OTUD4: variants seen among roughly 807,000 people sequenced by gnomAD.
OTUD4 encodes the protein OTU domain-containing protein 4.
In OTUD4, 24 loss-of-function variants were observed where a neutral mutation model predicts 130.4. The observed-to-expected ratio is 0.18, with a 90% CI of 0.13 to 0.26. The LOEUF (loss-of-function observed/expected upper bound fraction) is 0.26, where lower values mean the gene tolerates loss of function less well. OTUD4 is among the 10% of genes least tolerant of loss of function. The pLI is 1.00. For missense variants in OTUD4, 1,031 were observed against 1,329.4 expected, an observed-to-expected ratio of 0.78 and a Z score of 3.49; for synonymous variants, 420 against 472.5, an observed-to-expected ratio of 0.89 and a Z score of 1.44.
chr4:145,169,445 T>C (rs1752043645), intron 3 of OTUD4, among the ~76,000 whole-genome samples: 2 of 152,344 alleles, frequency 1.3e-5, no homozygotes, highest in Admixed American at 6.5e-5. Flanking sequence ...ATGGTTTCTG[T>C]TTCCATTTTA....
intron 6 of OTUD4, 93 bp downstream of exon 6, chr4:145,162,547 G>A (rs1346144914): frequency 6.4e-6 from 4 of 629,028 alleles, no homozygotes; most frequent in South Asian, 2.3e-5. Context: ...GCGAGACTCC[G>A]TCTCAAAAAA....
At position 145,155,753 on chromosome 4, in the gene OTUD4, G is replaced by A. The variant is rs575509023; in HGVS notation, c.691-67C>T. On this transcript the variant is annotated intron_variant, in intron 8 of 20. Coordinates refer to ENST00000447906, the MANE Select transcript of OTUD4 (RefSeq NM_001366057.1). Reference sequence around the variant, plus strand: ...TAAAACATTTTTGTTTGAGATACACGTAAAACTAAAGTCAAATGAAGAAAA... The same window carrying A: ...TAAAACATTTTTGTTTGAGATACACATAAAACTAAAGTCAAATGAAGAAAA... 1.2e-4 allele frequency: 139 copies of A among 1,141,938 alleles called. 1 individual carries two copies. Among genetic ancestry groups the A allele is most frequent in the Admixed American group, 3.5e-4 (15 of 42,518 alleles). 70.7% of individuals were successfully genotyped at this position (1,141,938 alleles called of 1,614,324 possible). A position where few individuals can be genotyped will look rare whatever the true frequency, so the allele number is the denominator to read the frequency against.
Position 145,136,610 on chromosome 4 carries a change from A to G in OTUD4, c.*820T>C, listed in dbSNP as rs531174940. The G allele has an allele frequency of 2.6e-5, 4 of 152,648 alleles. No individual in the cohort carries two copies. The South Asian group carries it at 8.3e-4, about 32-fold the overall frequency. 9.5% of individuals were successfully genotyped at this position (152,648 alleles called of 1,614,324 possible). A position where few individuals can be genotyped will look rare whatever the true frequency, so the allele number is the denominator to read the frequency against. ...ACTTCTGCAGTTCTAACTGATGCAG[A>G]TTATTTTCAAAATGCATAGCATCTA... is the stretch of plus-strand genomic sequence containing the variant. On this transcript the variant is annotated 3_prime_UTR_variant, in exon 21 of 21. Transcript: ENST00000447906.
At chr4:145,155,364 G>A in intron 10 of OTUD4, 47 bp downstream of exon 10, 1 of 1,499,636 alleles carries the variant, frequency 6.7e-7, no homozygotes, top group Non-Finnish European at 9.2e-7. Context: ...ATTAGAAAAA[G>A]CAAAGTTTCA....
At chr4:145,172,245 T>C (rs150807675) in intron 2 of OTUD4, among the ~76,000 whole-genome samples, 50 of 152,332 alleles carry the variant, frequency 3.3e-4, no homozygotes, top group Middle Eastern at 3.4e-3. Flanking sequence ...AATTATATGA[T>C]GAAAGCAGTG....
chr4:145,147,316 A>T (rs1316218711), intron 13 of OTUD4, among the ~76,000 whole-genome samples: 2 of 152,106 alleles, frequency 1.3e-5, no homozygotes, highest in Non-Finnish European at 2.9e-5. Context: ...TTATAATCAC[A>T]CTCTAATTAC....
At position 145,159,619 on chromosome 4, in the gene OTUD4, C is replaced by CA; in HGVS notation, c.512dup (p.Leu171PhefsTer4). ...CAGTTTTAAATACCTTCTCATACAG[C>CA]AATTCATAAAGGAGAGCTGCAATTA... On this transcript the variant is annotated frameshift_variant, in exon 7 of 21. Transcript: ENST00000447906. LOFTEE classifies it high-confidence loss of function. The CA allele has an allele frequency of 6.2e-7, 1 of 1,613,034 alleles. No homozygotes were observed. The highest frequency in any genetic ancestry group is 8.5e-7 in the Non-Finnish European group (1 of 1,179,506).
chr4:145,138,471 A>G lies in OTUD4; in HGVS notation c.2304T>C (p.Phe768=), dbSNP rs112977068. The G allele has an allele frequency of 3.7e-4, 598 of 1,614,162 alleles. 1 individual carries two copies. In the African/African-American group the frequency reaches 4.5e-3, roughly 12 times the overall value. Reference sequence around the variant, plus strand: ...TAACACTGGCCTCAGTCTGCATAGGAAAGTGGGCATCAGTACAGGTACAAT... The same window carrying G: ...TAACACTGGCCTCAGTCTGCATAGGGAAGTGGGCATCAGTACAGGTACAAT... The part of the protein sequence containing the change: ...ESDCTCTDAH[F]PMQTEASVNG... The change falls in exon 21 of 21, where the codon TTT becomes TTC. Residue 768 remains phenylalanine, a synonymous_variant. Coordinates refer to ENST00000447906, the MANE Select transcript of OTUD4 (RefSeq NM_001366057.1).
chr4:145,135,061 C>A lies in OTUD4; in HGVS notation c.*2369G>T. On this transcript the variant is annotated 3_prime_UTR_variant, in exon 21 of 21. Coordinates refer to ENST00000447906, the MANE Select transcript of OTUD4 (RefSeq NM_001366057.1). Reference sequence around the variant, plus strand: ...TCAGCATAAGGCAAAATCCCCTGGACTAATACATTTAAAAACAAACTTAAA... The same window carrying A: ...TCAGCATAAGGCAAAATCCCCTGGAATAATACATTTAAAAACAAACTTAAA... 46 of 327,898 alleles carry A rather than the reference C, an allele frequency of 1.4e-4. No individual in the cohort carries two copies. The highest frequency in any genetic ancestry group is 1.9e-4 in the Non-Finnish European group (34 of 182,886). The allele number at this position is 327,898 out of a possible 1,614,324, so 20.3% of individuals were successfully genotyped here. A position where few individuals can be genotyped will look rare whatever the true frequency, so the allele number is the denominator to read the frequency against.
chr4:145,146,485 A>C, intron 13 of OTUD4, 56 bp from the exon 14 acceptor site: 1 of 1,046,646 alleles, frequency 9.6e-7, no homozygotes. Flanking sequence ...TAAATAAATA[A>C]ATAAAACATT....
chr4:145,159,438 T>C (rs756785685), intron 7 of OTUD4, 65 bp downstream of exon 7: 1 of 1,605,308 alleles, frequency 6.2e-7, no homozygotes, highest in Non-Finnish European at 8.5e-7. Flanking sequence ...TACTGAAATG[T>C]AAAGACATTT....
intron 9 of OTUD4, 47 bp from the exon 10 acceptor site, chr4:145,155,522 C>T: frequency 6.3e-7 from 1 of 1,596,138 alleles, no homozygotes; most frequent in Non-Finnish European, 8.5e-7. Context: ...GACTTATTTT[C>T]AAGTGCTACA....
rs549005104 is a variant in OTUD4 at position 145,135,179 on chromosome 4, C to T, written c.*2251G>A. ...TTCCAGAGGTCACTGAGAAAAGTAC[C>T]ATCTGCTAAAATTCTCTTTCAAGCA... On this transcript the variant is annotated 3_prime_UTR_variant, in exon 21 of 21. Transcript: ENST00000447906. The T allele has an allele frequency of 5.4e-4, 124 of 228,338 alleles. No individual in the cohort carries two copies. Among genetic ancestry groups the T allele is most frequent in the Middle Eastern group, 2.8e-3 (2 of 716 alleles). 14.1% of individuals were successfully genotyped at this position (228,338 alleles called of 1,614,324 possible).
intron 19 of OTUD4, 145 bp downstream of exon 19, chr4:145,141,234 G>T: frequency 2.3e-6 from 1 of 428,050 alleles, no homozygotes. Context: ...AAGAATGACT[G>T]ACTAATAGCT....
At chr4:145,179,380 G>A (rs1412359244) in intron 1 of OTUD4, among the ~76,000 whole-genome samples, 1 of 152,174 alleles carries the variant, frequency 6.6e-6, no homozygotes, top group African/African-American at 2.4e-5. Context: ...ACCAAAATAT[G>A]TTCCACAAGT....
Position 145,137,596 on chromosome 4 carries a change from C to T in OTUD4, c.3179G>A (p.Gly1060Asp), listed in dbSNP as rs1200500263. ...TCTCACATGTTGATATCCACCCCTA[C>T]CAGAATAGCCCCAATCACTTTTGTA... ...RKYKSDWGYS[G>D]RGGYQHVRSE... The change falls in exon 21 of 21, where the codon GGT (glycine) becomes GAT (aspartate). Residue 1060 changes from glycine to aspartate, a missense_variant. Gly to Asp is a moderately conservative substitution (Grantham distance 94, BLOSUM62 -1). Around this residue, in one of 3 missense-constraint regions of OTUD4, gnomAD observed 900 missense variants for 1,095.9 expected, o/e 0.82. Transcript: ENST00000447906. The T allele has an allele frequency of 1.9e-6, 3 of 1,613,520 alleles. No homozygotes were observed. Among genetic ancestry groups the T allele is most frequent in the South Asian group, 2.2e-5 (2 of 91,054 alleles).
At position 145,179,871 on chromosome 4, in the gene OTUD4, A is replaced by G; in HGVS notation, c.103T>C (p.Tyr35His). 2.0e-6 allele frequency: 3 copies of G among 1,526,048 alleles called. No individual in the cohort carries two copies. The highest frequency in any genetic ancestry group is 2.6e-6 in the Non-Finnish European group (3 of 1,142,382). The allele number at this position is 1,526,048 out of a possible 1,614,324, so 94.5% of individuals were successfully genotyped here. The change falls in exon 1 of 21, where the codon TAT (tyrosine) becomes CAT (histidine). Residue 35 changes from tyrosine (Y) to histidine (H), a missense_variant. Tyr to His is a moderately conservative substitution (Grantham distance 83). Coordinates refer to ENST00000447906, the MANE Select transcript of OTUD4 (RefSeq NM_001366057.1). Reference sequence around the variant, plus strand: ...CCGTCCTTGGCGACCAGTTTCCGATACAAGCCCAGTTTCCGCAGATAGGCG... The same window carrying G: ...CCGTCCTTGGCGACCAGTTTCCGATGCAAGCCCAGTTTCCGCAGATAGGCG... ...MDAYLRKLGL[Y>H]RKLVAKDGSC...
At chr4:145,174,770 C>T in intron 1 of OTUD4, 26 bp from the exon 2 acceptor site, 3 of 1,356,846 alleles carry the variant, frequency 2.2e-6, no homozygotes, top group Admixed American at 1.7e-5. Context: ...AACAAACACA[C>T]TATTAAGCAT....
rs1579247300 is a variant in OTUD4 at position 145,144,265 on chromosome 4, C to T, written c.1546+46G>A. 1.8e-5 allele frequency: 29 copies of T among 1,585,548 alleles called. No homozygotes were observed. The East Asian group carries it at 6.5e-4, about 35-fold the overall frequency. ...AAATATATGACATTAAGCCAGTCAT[C>T]TAAAGAGATCTCTAGCATCTGCTTT... On this transcript the variant is annotated intron_variant, in intron 15 of 20. Transcript: ENST00000447906.
Sources: allele counts gnomAD v4.1 joint callset (sites outside exome capture counted in the v4.1 genomes callset), GRCh38; gene constraint gnomAD v4.1.1; regional missense constraint gnomAD v4.1.1; transcripts MANE v1.5; gene names NCBI Gene and HGNC (gene_info 2026-07-23, HGNC 2026-07-21).